Variants in CCL24 observed in about 807,000 individuals in gnomAD.
The protein encoded by CCL24 is C-C motif chemokine ligand 24.
Under a neutral mutation model 8.6 loss-of-function variants are expected in CCL24, and 6 were observed. The ratio of observed to expected loss-of-function variants is 0.70; its 90% CI spans 0.38 to 1.38. The LOEUF is 1.38. Ranked by LOEUF, CCL24 falls within the 40% of genes most tolerant of loss-of-function variation. The pLI is 0.02. For missense variants in CCL24, 126 were observed against 147.1 expected, an observed-to-expected ratio of 0.86 and a Z score of 0.74; for synonymous variants, 59 against 52.7, an observed-to-expected ratio of 1.12 and a Z score of -0.52.
Position 75,813,697 on chromosome 7 carries a change from T to A in CCL24, c.19A>T (p.Ile7Leu), listed in dbSNP as rs782141375. 2 of 1,613,994 alleles carry A rather than the reference T, an allele frequency of 1.2e-6. No individual in the cohort carries two copies. The highest frequency in any genetic ancestry group is 8.5e-7 in the Non-Finnish European group (1 of 1,179,900). Reference sequence around the variant, plus strand: ...CCAAGGAACAGAAGGCTGGTTACTATGGTCATCAGGCCTGCCATGTCTCAG... The same window carrying A: ...CCAAGGAACAGAAGGCTGGTTACTAAGGTCATCAGGCCTGCCATGTCTCAG... MAGLMT[I>L]VTSLLFLGVC... The change falls in exon 1 of 3, where the codon ATA (isoleucine) becomes TTA (leucine). Residue 7 changes from isoleucine to leucine, a missense_variant. Physicochemically the swap from Ile to Leu is conservative, Grantham distance 5 (BLOSUM62 2). Coordinates refer to ENST00000222902, the MANE Select transcript of CCL24 (RefSeq NM_002991.3).
chr7:75,821,796 C>T (rs934620701), intron 1 of CCL24, among the ~76,000 whole-genome samples: 5 of 151,768 alleles, frequency 3.3e-5, no homozygotes, highest in Admixed American at 6.6e-5. Context: ...GGCGTAGTGG[C>T]GGGCGCCTGT....
At position 75,811,723 on chromosome 7, in the gene CCL24, T is replaced by C. The variant is rs1000925298; in HGVS notation, c.*73A>G. The C allele has an allele frequency of 2.2e-6, 3 of 1,360,136 alleles. No individual in the cohort carries two copies. The East Asian group carries it at 7.1e-5, about 32-fold the overall frequency. 84.3% of individuals were successfully genotyped at this position (1,360,136 alleles called of 1,614,324 possible). Reference sequence around the variant, plus strand: ...AAATTAGCTCTTCCCCCCATCACTGTGGCTTCTCCAGGCCCCGAGTAGCCC... The same window carrying C: ...AAATTAGCTCTTCCCCCCATCACTGCGGCTTCTCCAGGCCCCGAGTAGCCC... On this transcript the variant is annotated 3_prime_UTR_variant, in exon 3 of 3. Transcript: ENST00000222902.
chr7:75,812,939 A>T (rs1803805467), intron 2 of CCL24, among the ~76,000 whole-genome samples: 1 of 151,388 alleles, frequency 6.6e-6, no homozygotes, highest in Non-Finnish European at 1.5e-5. Context: ...GGAAAAAAAA[A>T]AAATCCTCCT....
Position 75,811,836 on chromosome 7 carries a change from C to T in CCL24, c.320G>A (p.Gly107Asp), listed in dbSNP as rs782002431. 4.3e-6 allele frequency: 7 copies of T among 1,613,328 alleles called. No individual in the cohort carries two copies. Among genetic ancestry groups the T allele is most frequent in the African/African-American group, 1.3e-5 (1 of 74,756 alleles). ...SPRARAVAVKGPVQRYPGNQT... is the reference protein window; with the variant it reads ...SPRARAVAVKDPVQRYPGNQT... ...GTTGCCAGGATATCTCTGGACAGGG[C>T]CCTTGACAGCCACTGCCCTGGCCCT... The change falls in exon 3 of 3, where the codon GGC (glycine) becomes GAC (aspartate). Residue 107 changes from glycine to aspartate, a missense_variant. Transcript: ENST00000222902.
chr7:75,817,926 G>C (rs1468459873), upstream of CCL24, among the ~76,000 whole-genome samples: 2 of 151,820 alleles, frequency 1.3e-5, no homozygotes, highest in African/African-American at 4.8e-5. Flanking sequence ...CGCCCCCCAG[G>C]TTCAAGCAAT....
intron 1 of CCL24, among the ~76,000 whole-genome samples, chr7:75,820,573 C>A (rs1285023457): frequency 3.9e-5 from 6 of 152,148 alleles, no homozygotes; most frequent in Non-Finnish European, 7.3e-5. Flanking sequence ...ATCCATCCAT[C>A]CACCTACCCA....
At chr7:75,821,943 G>C (rs7801577) in intron 1 of CCL24, among the ~76,000 whole-genome samples, 11 of 134,756 alleles carry the variant, frequency 8.2e-5, no homozygotes, top group African/African-American at 2.9e-4. Flanking sequence ...AAAAAAAAAA[G>C]AAAACAAAAT....
upstream of CCL24, among the ~76,000 whole-genome samples, chr7:75,816,444 C>A (rs1455580311): frequency 6.6e-6 from 1 of 152,178 alleles, no homozygotes; most frequent in Non-Finnish European, 1.5e-5. Context: ...TTCACCTCCC[C>A]ATCAGCCAAC....
upstream of CCL24, among the ~76,000 whole-genome samples, chr7:75,814,819 T>C (rs1043922460): frequency 2.0e-5 from 3 of 151,990 alleles, no homozygotes; most frequent in Admixed American, 6.6e-5. Flanking sequence ...CAGCATGACC[T>C]ACCCTGTTTC....
upstream of CCL24, among the ~76,000 whole-genome samples, chr7:75,815,715 C>T (rs1031951946): frequency 1.3e-5 from 2 of 152,104 alleles, no homozygotes; most frequent in Non-Finnish European, 2.9e-5. Flanking sequence ...ATTCCAGGAT[C>T]CCAGGTCAGG....
upstream of CCL24, among the ~76,000 whole-genome samples, chr7:75,817,154 C>T (rs917903150): frequency 5.3e-5 from 8 of 152,180 alleles, no homozygotes; most frequent in African/African-American, 1.7e-4. Context: ...GCATGAGCCA[C>T]TGTGCCCAGC....
upstream of CCL24, among the ~76,000 whole-genome samples, chr7:75,818,149 G>T (rs573610384): frequency 2.0e-5 from 3 of 152,098 alleles, no homozygotes; most frequent in Admixed American, 2.0e-4. Flanking sequence ...TAATCTTTAT[G>T]CTCTATACAG....
chr7:75,810,953 A>T lies in CCL24; in HGVS notation c.*843T>A, dbSNP rs28453160. 0.51 allele frequency among the ~76,000 whole-genome samples: 76,763 copies of T among 151,038 alleles called. 19,717 individuals carry two copies. Among genetic ancestry groups the T allele is most frequent in the East Asian group, 0.69 (3,556 of 5,132 alleles). On this transcript the variant is annotated 3_prime_UTR_variant, in exon 3 of 3. Coordinates refer to ENST00000222902, the MANE Select transcript of CCL24 (RefSeq NM_002991.3). ...AAAAGCTAGAGTCTTTTCTCCCCCT[A>T]ATCCCCCCACCCTATCTTCCCCTCA...
At chr7:75,815,696 C>T (rs369395080), upstream of CCL24, among the ~76,000 whole-genome samples, 1 of 152,004 alleles carries the variant, frequency 6.6e-6, no homozygotes, top group East Asian at 1.9e-4. Flanking sequence ...CCACCTCACT[C>T]CACCCCCGAT....
At chr7:75,822,792 G>A (rs949936406) in intron 1 of CCL24, among the ~76,000 whole-genome samples, 2 of 152,150 alleles carry the variant, frequency 1.3e-5, no homozygotes, top group African/African-American at 4.8e-5. Flanking sequence ...TTGTGCCACT[G>A]CACTTCAGCC....
chr7:75,811,216 T>C lies in CCL24; in HGVS notation c.*580A>G, dbSNP rs28459281. On this transcript the variant is annotated 3_prime_UTR_variant, in exon 3 of 3. Transcript: ENST00000222902. ...TGAGTAGGCTGGGTGTGGTGGCTCA[T>C]GCCTGTAATCCCAGCACTTTGGGAG... Among the ~76,000 whole-genome samples the C allele has an allele frequency of 0.69, 103,673 of 151,030 alleles. 36,436 individuals are homozygous for C. Among genetic ancestry groups the C allele is most frequent in the East Asian group, 0.95 (4,880 of 5,126 alleles).
intron 1 of CCL24, among the ~76,000 whole-genome samples, chr7:75,822,220 G>C (rs1223780409): frequency 2.0e-5 from 3 of 152,192 alleles, no homozygotes; most frequent in Non-Finnish European, 4.4e-5. Context: ...GCCCCACCCA[G>C]CTCAAGACAC....
intron 1 of CCL24, among the ~76,000 whole-genome samples, chr7:75,821,098 C>T (rs68046647): frequency 0.13 from 20,122 of 152,072 alleles, 2,157 homozygotes; most frequent in East Asian, 0.48. Context: ...TGATAAGTGT[C>T]CAGATGGAGG....
At chr7:75,815,308 C>T (rs1803865943), upstream of CCL24, among the ~76,000 whole-genome samples, 1 of 150,314 alleles carries the variant, frequency 6.7e-6, no homozygotes, top group South Asian at 2.1e-4. Flanking sequence ...CACTGAACTC[C>T]AGCCTGGGTG....
Sources: allele counts gnomAD v4.1 joint callset (sites outside exome capture counted in the v4.1 genomes callset), GRCh38; gene constraint gnomAD v4.1.1; transcripts MANE v1.5; gene names NCBI Gene and HGNC (gene_info 2026-07-23, HGNC 2026-07-21).